Variants in ADAMTSL1 observed in about 807,000 individuals in gnomAD.
ADAMTSL1 encodes the protein ADAMTS-like protein 1.
Under a neutral mutation model 201.8 loss-of-function variants are expected in ADAMTSL1, and 126 were observed. The ratio of observed to expected loss-of-function variants is 0.62; its 90% CI spans 0.54 to 0.72. The LOEUF is 0.72. Among genes scored for constraint, ADAMTSL1 ranks in the 30% least tolerant of loss-of-function variants. The probability of loss-of-function intolerance (pLI) is 0.00; values close to 1 mark genes in which losing one functional copy is unlikely to be tolerated. For missense variants in ADAMTSL1, 2,679 were observed against 2,277.8 expected, an observed-to-expected ratio of 1.18 and a Z score of -3.59; for synonymous variants, 1,121 against 903.4, an observed-to-expected ratio of 1.24 and a Z score of -4.32.
At chr9:18,106,604 T>A (rs1474879269) in intron 1 of ADAMTSL1, among the ~76,000 whole-genome samples, 2 of 152,238 alleles carry the variant, frequency 1.3e-5, no homozygotes, top group African/African-American at 4.8e-5. Flanking sequence ...AATTCACAAT[T>A]ACCTATGATC....
chr9:18,029,609 C>A (rs1166962727), intron 1 of ADAMTSL1, among the ~76,000 whole-genome samples: 2 of 151,960 alleles, frequency 1.3e-5, no homozygotes, highest in Non-Finnish European at 1.5e-5. Flanking sequence ...AGTGAACAGG[C>A]AACCTACAGA....
chr9:17,920,543 C>A (rs1467687033), intron 1 of ADAMTSL1, among the ~76,000 whole-genome samples: 2 of 152,082 alleles, frequency 1.3e-5, no homozygotes, highest in Non-Finnish European at 2.9e-5. Flanking sequence ...TGCTTCTACT[C>A]CCCTCCCTCA....
At position 18,602,035 on chromosome 9, in the gene ADAMTSL1, T is replaced by C. The variant is rs528577300; in HGVS notation, c.475-20208T>C. On this transcript the variant is annotated intron_variant, in intron 4 of 28. Coordinates refer to ENST00000380548, the MANE Select transcript of ADAMTSL1 (RefSeq NM_001040272.6). ...CATTAAAGTTTTACCATCTTCGTGA[T>C]TGTTAGCAATTGTAAGCAGGGCAAT... Among the ~76,000 whole-genome samples the C allele has an allele frequency of 5.3e-5, 8 of 152,284 alleles. No homozygotes were observed. In the South Asian group the frequency reaches 1.5e-3, roughly 28 times the overall value.
intron 3 of ADAMTSL1, among the ~76,000 whole-genome samples, chr9:18,544,526 A>G (rs1820358422): frequency 6.6e-6 from 1 of 151,698 alleles, no homozygotes; most frequent in Admixed American, 6.6e-5. Flanking sequence ...TTTTTTTTTC[A>G]GCCAGCATCA....
chr9:18,644,758 G>A (rs1477681732), intron 7 of ADAMTSL1, among the ~76,000 whole-genome samples: 3 of 151,924 alleles, frequency 2.0e-5, no homozygotes, highest in Non-Finnish European at 4.4e-5. Context: ...TGGTGTATAT[G>A]TGCCACATTT....
At chr9:18,448,631 C>T (rs1023959463) in intron 2 of ADAMTSL1, among the ~76,000 whole-genome samples, 16 of 151,990 alleles carry the variant, frequency 1.1e-4, no homozygotes, top group Admixed American at 5.2e-4. Context: ...ATGTAAATAC[C>T]ATGCCAGTTA....
chr9:18,321,702 A>G (rs1834627626), intron 2 of ADAMTSL1, among the ~76,000 whole-genome samples: 1 of 152,120 alleles, frequency 6.6e-6, no homozygotes, highest in Non-Finnish European at 1.5e-5. Flanking sequence ...CTGAGGCAGG[A>G]GAATGACGTG....
At chr9:18,418,910 A>G (rs2133351773) in intron 2 of ADAMTSL1, among the ~76,000 whole-genome samples, 1 of 152,346 alleles carries the variant, frequency 6.6e-6, no homozygotes, top group Non-Finnish European at 1.5e-5. Flanking sequence ...ATAAAGTTGG[A>G]GGAATTACAT....
intron 3 of ADAMTSL1, among the ~76,000 whole-genome samples, chr9:18,540,508 G>A (rs960612795): frequency 1.3e-5 from 2 of 152,124 alleles, no homozygotes; most frequent in Non-Finnish European, 1.5e-5. Context: ...AAGGAGCCCA[G>A]CTTATTTGGG....
At chr9:18,836,537 TTCTA>T (rs1825319038) in intron 23 of ADAMTSL1, among the ~76,000 whole-genome samples, 1 of 152,124 alleles carries the variant, frequency 6.6e-6, no homozygotes, top group African/African-American at 2.4e-5. Flanking sequence ...GGCATGATGC[TTCTA>T]TCTTTGTTCT....
intron 1 of ADAMTSL1, among the ~76,000 whole-genome samples, chr9:17,991,518 T>A (rs554854664): frequency 1.3e-5 from 2 of 152,088 alleles, no homozygotes; most frequent in Admixed American, 1.3e-4. Context: ...TTGCTCAGAC[T>A]CAGAAAAGGC....
At chr9:18,491,640 A>G (rs1026743260) in intron 1 of ADAMTSL1, among the ~76,000 whole-genome samples, 12 of 152,200 alleles carry the variant, frequency 7.9e-5, no homozygotes, top group African/African-American at 2.9e-4. Context: ...CATTTAATTT[A>G]TAAATTAGAA....
At chr9:18,527,287 T>C (rs745751560) in intron 2 of ADAMTSL1, among the ~76,000 whole-genome samples, 2 of 152,192 alleles carry the variant, frequency 1.3e-5, no homozygotes, top group Non-Finnish European at 2.9e-5. Flanking sequence ...AGATAAAGCC[T>C]GGGGTGCCAT....
chr9:18,533,885 T>C (rs1478267555), intron 3 of ADAMTSL1, among the ~76,000 whole-genome samples: 2 of 152,028 alleles, frequency 1.3e-5, no homozygotes, highest in Non-Finnish European at 2.9e-5. Context: ...AGAGAAATCT[T>C]AAAGGAAAAG....
intron 2 of ADAMTSL1, among the ~76,000 whole-genome samples, chr9:18,523,167 T>A (rs546386885): frequency 1.3e-5 from 2 of 152,372 alleles, no homozygotes; most frequent in South Asian, 4.1e-4. Context: ...ATTGTGGTTT[T>A]GATTTGCATT....
intron 9 of ADAMTSL1, among the ~76,000 whole-genome samples, chr9:18,671,879 T>C (rs1829837060): frequency 6.6e-6 from 1 of 151,740 alleles, no homozygotes; most frequent in Non-Finnish European, 1.5e-5. Flanking sequence ...CTACTAAAAA[T>C]ACAAAAAATT....
intron 20 of ADAMTSL1, among the ~76,000 whole-genome samples, chr9:18,797,440 T>G (rs1822493732): frequency 6.6e-6 from 1 of 152,174 alleles, no homozygotes; most frequent in Non-Finnish European, 1.5e-5. Flanking sequence ...CCTACAGCAA[T>G]AAATAAAACC....
chr9:18,343,595 C>T (rs1835566953), intron 2 of ADAMTSL1, among the ~76,000 whole-genome samples: 1 of 152,122 alleles, frequency 6.6e-6, no homozygotes, highest in African/African-American at 2.4e-5. Context: ...ATTCTAAACC[C>T]TCTTTTAGAT....
At chr9:18,779,827 G>A (rs1447239029) in intron 19 of ADAMTSL1, among the ~76,000 whole-genome samples, 1 of 152,162 alleles carries the variant, frequency 6.6e-6, no homozygotes, top group Non-Finnish European at 1.5e-5. Flanking sequence ...ACACCACTAT[G>A]ATGCCCTCTC....
Sources: gnomAD v4.1 joint callset for allele counts (sites outside exome capture counted in the v4.1 genomes callset) on GRCh38, gnomAD v4.1.1 for gene constraint, MANE v1.5 for transcripts, NCBI Gene and HGNC (gene_info 2026-07-23, HGNC 2026-07-21) for gene names.